SP3: variants seen among roughly 807,000 people sequenced by gnomAD.
SP3 encodes the protein Sp3 transcription factor, also known as transcription factor Sp3.
In SP3, 10 loss-of-function variants were observed where a neutral mutation model predicts 70.3. That is an observed-to-expected ratio of 0.14 (90% CI 0.09 to 0.24). The LOEUF (loss-of-function observed/expected upper bound fraction) is 0.24, where lower values mean the gene tolerates loss of function less well. Among genes scored for constraint, SP3 ranks in the 10% least tolerant of loss-of-function variants. The pLI, the probability that SP3 is intolerant of heterozygous loss-of-function variation, is 1.00. For synonymous variants in SP3, 402 were observed against 333.5 expected, an observed-to-expected ratio of 1.21 and a Z score of -2.24; for missense variants, 825 against 914.6, an observed-to-expected ratio of 0.90 and a Z score of 1.26.
At chr2:173,927,314 C>A (rs1029728157) in intron 4 of SP3, among the ~76,000 whole-genome samples, 3 of 150,734 alleles carry the variant, frequency 2.0e-5, no homozygotes, top group Non-Finnish European at 4.4e-5. Flanking sequence ...CTCACTCTGT[C>A]GCCCAGGGTG....
chr2:173,953,154 C>T (rs1690766760), intron 4 of SP3, among the ~76,000 whole-genome samples: 1 of 152,182 alleles, frequency 6.6e-6, no homozygotes, highest in Admixed American at 6.5e-5. Context: ...TTGAGTGAAA[C>T]TGGGATTTTT....
rs751192746 is a variant in SP3 at position 173,905,724 on chromosome 2, C to T, written c.*4217G>A. 3.3e-5 allele frequency among the ~76,000 whole-genome samples: 5 copies of T among 151,676 alleles called. No homozygotes were observed. Among genetic ancestry groups the T allele is most frequent in the African/African-American group, 1.2e-4 (5 of 41,280 alleles). On this transcript the variant is annotated 3_prime_UTR_variant, in exon 7 of 7. Transcript: ENST00000310015. ...CCTTTAGACTCCAGATTTGGCCAAGCGTGGTGGCTCACGCCTATAATCCCA... is the reference window on the plus strand; with the variant it reads ...CCTTTAGACTCCAGATTTGGCCAAGTGTGGTGGCTCACGCCTATAATCCCA...
intron 3 of SP3, among the ~76,000 whole-genome samples, chr2:173,959,663 A>G (rs1691001346): frequency 6.6e-6 from 1 of 152,184 alleles, no homozygotes; most frequent in African/African-American, 2.4e-5. Flanking sequence ...CTGAGGCGGA[A>G]GAATGGCTTG....
chr2:173,955,513 T>C lies in SP3; in HGVS notation c.999A>G (p.Thr333=). 1.2e-6 allele frequency: 2 copies of C among 1,614,164 alleles called. No homozygotes were observed. The change falls in exon 4 of 7, where the codon ACA becomes ACG. Residue 333 remains threonine, a synonymous_variant. Coordinates refer to ENST00000310015, the MANE Select transcript of SP3 (RefSeq NM_003111.5). The part of the protein sequence containing the change: ...TNTDTDLFVP[T]SSSSQLPVTI... ...TAACAGGCAACTGTGATGAAGAGGATGTTGGCACAAATAAATCTGTATCAG... is the reference window on the plus strand; with the variant it reads ...TAACAGGCAACTGTGATGAAGAGGACGTTGGCACAAATAAATCTGTATCAG...
chr2:173,928,632 A>G (rs1689983153), intron 4 of SP3, among the ~76,000 whole-genome samples: 1 of 152,174 alleles, frequency 6.6e-6, no homozygotes. Context: ...GATCCACTAA[A>G]CGACACCTAT....
At chr2:173,945,738 G>A (rs959076721) in intron 4 of SP3, among the ~76,000 whole-genome samples, 28 of 152,186 alleles carry the variant, frequency 1.8e-4, no homozygotes, top group African/African-American at 6.5e-4. Flanking sequence ...AAAGGATCAC[G>A]GGGACACCTC....
Position 173,909,887 on chromosome 2 carries a change from T to C in SP3, c.*54A>G. On this transcript the variant is annotated 3_prime_UTR_variant, in exon 7 of 7. Transcript: ENST00000310015. ...GATATCTAAGAACTTAGGAACAATA[T>C]TCTTCTCACTACTGTATAAAAATAA... The C allele has an allele frequency of 1.9e-6, 3 of 1,538,802 alleles. No individual in the cohort carries two copies. Among genetic ancestry groups the C allele is most frequent in the Non-Finnish European group, 2.7e-6 (3 of 1,129,792 alleles).
At chr2:173,958,589 A>G (rs966412741) in intron 3 of SP3, among the ~76,000 whole-genome samples, 2 of 151,926 alleles carry the variant, frequency 1.3e-5, no homozygotes, top group African/African-American at 2.4e-5. Context: ...GGGGAAAAAA[A>G]AAAAAAGCAA....
At chr2:173,953,621 C>A (rs1237231263) in intron 4 of SP3, among the ~76,000 whole-genome samples, 2 of 152,024 alleles carry the variant, frequency 1.3e-5, no homozygotes, top group Non-Finnish European at 2.9e-5. Flanking sequence ...GTGGTGTGCA[C>A]CTGTAATCCC....
intron 4 of SP3, among the ~76,000 whole-genome samples, chr2:173,954,557 AC>A (rs1690817902): frequency 6.6e-6 from 1 of 152,188 alleles, no homozygotes; most frequent in Admixed American, 6.5e-5. Context: ...CAACCAAGAC[AC>A]CCTACCTGCC....
chr2:173,932,311 C>T (rs1574409023), intron 4 of SP3, among the ~76,000 whole-genome samples: 1 of 152,184 alleles, frequency 6.6e-6, no homozygotes, highest in Admixed American at 6.5e-5. Flanking sequence ...TCTGCCTCAG[C>T]CTCCCAAGTG....
At chr2:173,950,914 C>A (rs1443902204) in intron 4 of SP3, among the ~76,000 whole-genome samples, 1 of 152,094 alleles carries the variant, frequency 6.6e-6, no homozygotes, top group Non-Finnish European at 1.5e-5. Flanking sequence ...CTTGCTTTAA[C>A]TTTTACTTTC....
chr2:173,910,253 C>T lies in SP3; in HGVS notation c.2034G>A (p.Glu678=), dbSNP rs1343045021. ...AACATTCTGGACAAACAAATTTCTT[C>T]TCACCTGTTAAGAAAAAAATTAAGT... ...LQRHRRTHTG[E]KKFVCPECSK... is the part of the protein sequence containing the mutation. The change falls in exon 7 of 7, where the codon GAG becomes GAA. Residue 678 remains glutamate (E), a synonymous_variant. Coordinates refer to ENST00000310015, the MANE Select transcript of SP3 (RefSeq NM_003111.5). 6.2e-7 allele frequency: 1 copy of T among 1,612,914 alleles called. No homozygotes were observed. The highest frequency in any genetic ancestry group is 8.5e-7 in the Non-Finnish European group (1 of 1,179,522).
chr2:173,911,821 T>A (rs1318579750), intron 6 of SP3, among the ~76,000 whole-genome samples: 1 of 145,468 alleles, frequency 6.9e-6, no homozygotes, highest in Admixed American at 6.9e-5. Context: ...ACCTTTTTTT[T>A]TTTTTTTTTT....
intron 4 of SP3, among the ~76,000 whole-genome samples, chr2:173,941,300 A>ACC (rs1245633115): frequency 6.6e-6 from 1 of 152,090 alleles, no homozygotes; most frequent in Admixed American, 6.6e-5. Flanking sequence ...CATCTTATGT[A>ACC]CCCTCCACAA....
chr2:173,962,552 T>C (rs944770152), intron 3 of SP3, among the ~76,000 whole-genome samples: 1 of 152,060 alleles, frequency 6.6e-6, no homozygotes, highest in Non-Finnish European at 1.5e-5. Flanking sequence ...AATCTGCTTA[T>C]GAAAAAACAA....
At chr2:173,946,884 GCTTT>G (rs1173702121) in intron 4 of SP3, among the ~76,000 whole-genome samples, 2 of 131,346 alleles carry the variant, frequency 1.5e-5, no homozygotes, top group African/African-American at 5.1e-5. Context: ...ACCACGCCTG[GCTTT>G]TTTTTTTTAA....
rs573376530 is a variant in SP3 at position 173,912,964 on chromosome 2, A to G, written c.2029+106T>C. On this transcript the variant is annotated intron_variant, in intron 6 of 6. Transcript: ENST00000310015. ...GTAAAAATTGGATGTAATTCATTGT[A>G]TTTTAAATCGATTCAGTTCAGTAAG... 5.4e-6 allele frequency: 4 copies of G among 735,918 alleles called. No homozygotes were observed. The East Asian group carries it at 1.2e-4, about 23-fold the overall frequency. 45.6% of individuals were successfully genotyped at this position (735,918 alleles called of 1,614,324 possible).
intron 4 of SP3, among the ~76,000 whole-genome samples, chr2:173,933,611 G>C (rs1382773614): frequency 8.4e-6 from 1 of 119,556 alleles, no homozygotes; most frequent in African/African-American, 3.1e-5. Flanking sequence ...TAGGAAGACA[G>C]TACAAATGAC....
Sources: gnomAD v4.1 joint callset for allele counts (sites outside exome capture counted in the v4.1 genomes callset) on GRCh38, gnomAD v4.1.1 for gene constraint, MANE v1.5 for transcripts, NCBI Gene and HGNC (gene_info 2026-07-23, HGNC 2026-07-21) for gene names.